The following DRC11 variants were observed in gnomAD, a reference collection of about 807,000 sequenced individuals.
DRC11 encodes the protein IQ and AAA domain-containing protein 1.
At chr2:236,359,908 A>G in the DRC11 span, among the ~76,000 whole-genome samples, 1 of 152,190 alleles carries the variant, frequency 6.6e-6, no homozygotes, top group Admixed American at 6.5e-5. This position sits in a 1 kb window ranked among gnomAD's most constrained non-coding sequence, Gnocchi z 4.3. Context: ...GCACTCTGAC[A>G]TGAAGTGGCC....
chr2:236,317,669 A>T, the DRC11 span, among the ~76,000 whole-genome samples: 6 of 152,340 alleles, frequency 3.9e-5, no homozygotes, highest in African/African-American at 9.6e-5. This position sits in a 1 kb window ranked among gnomAD's most constrained non-coding sequence, Gnocchi z 5.4. Flanking sequence ...CAACAAAAGC[A>T]TACATGTTTA....
At chr2:236,425,415 A>C in the DRC11 span, among the ~76,000 whole-genome samples, 2 of 151,982 alleles carry the variant, frequency 1.3e-5, no homozygotes, top group African/African-American at 2.4e-5. Flanking sequence ...GCATTTTTCC[A>C]TATACATGTT....
chr2:236,319,995 A>C, the DRC11 span, among the ~76,000 whole-genome samples: 3,529 of 152,214 alleles, frequency 0.023, 129 homozygotes, highest in African/African-American at 0.08. This position sits in a 1 kb window ranked among gnomAD's most constrained non-coding sequence, Gnocchi z 6.7. Flanking sequence ...GCAGCTCACT[A>C]CTGCATTCTC....
chr2:236,384,648 G>A, the DRC11 span, among the ~76,000 whole-genome samples: 1 of 152,030 alleles, frequency 6.6e-6, no homozygotes, highest in Non-Finnish European at 1.5e-5. Context: ...TTGCTGTGCA[G>A]AAGCTCTTTA....
the DRC11 span, among the ~76,000 whole-genome samples, chr2:236,347,508 C>CTCTATATATATATATA: frequency 2.6e-4 from 28 of 107,526 alleles, no homozygotes; most frequent in South Asian, 1.7e-3. Context: ...AAAAACTGTG[C>CTCTATATATATATATA]TATATATATA....
At chr2:236,421,892 G>C in the DRC11 span, among the ~76,000 whole-genome samples, 1 of 152,154 alleles carries the variant, frequency 6.6e-6, no homozygotes, top group Non-Finnish European at 1.5e-5. Context: ...GGGATGCAAG[G>C]CTGGTTCAAC....
At chr2:236,438,570 C>G in the DRC11 span, among the ~76,000 whole-genome samples, 1 of 151,964 alleles carries the variant, frequency 6.6e-6, no homozygotes, top group African/African-American at 2.4e-5. Context: ...TCTTCCTACC[C>G]ATGAGCATGG....
At chr2:236,440,482 T>C in the DRC11 span, among the ~76,000 whole-genome samples, 1 of 152,218 alleles carries the variant, frequency 6.6e-6, no homozygotes, top group African/African-American at 2.4e-5. Context: ...TCCTAGTTTA[T>C]GAAGACATTA....
the DRC11 span, among the ~76,000 whole-genome samples, chr2:236,473,456 C>T: frequency 6.6e-6 from 1 of 152,160 alleles, no homozygotes; most frequent in African/African-American, 2.4e-5. This position sits in a 1 kb window ranked among gnomAD's most constrained non-coding sequence, Gnocchi z 4.8. Context: ...GGAAAGTGAA[C>T]AGGGTTTTAC....
chr2:236,385,314 G>T, the DRC11 span, among the ~76,000 whole-genome samples: 1 of 145,686 alleles, frequency 6.9e-6, no homozygotes, highest in African/African-American at 2.5e-5. Context: ...TCTTCCATTT[G>T]TTTGTATCCT....
the DRC11 span, among the ~76,000 whole-genome samples, chr2:236,460,810 A>G: frequency 6.6e-6 from 1 of 152,168 alleles, no homozygotes; most frequent in Non-Finnish European, 1.5e-5. The surrounding 1 kb of genome is among the most constrained non-coding windows in gnomAD (Gnocchi z 4.0). Context: ...GAGGGAATAC[A>G]GTGGTGAATT....
the DRC11 span, among the ~76,000 whole-genome samples, chr2:236,385,381 C>CT: frequency 6.9e-6 from 1 of 145,824 alleles, no homozygotes; most frequent in Non-Finnish European, 1.5e-5. Flanking sequence ...CTTCACATCC[C>CT]TTGTAAGTTG....
chr2:236,425,322 T>C, the DRC11 span, among the ~76,000 whole-genome samples: 2 of 152,152 alleles, frequency 1.3e-5, no homozygotes, highest in East Asian at 1.9e-4. Context: ...CCAACATTTG[T>C]TGTCTTTTGT....
the DRC11 span, among the ~76,000 whole-genome samples, chr2:236,472,055 C>A: frequency 2.6e-5 from 4 of 152,178 alleles, no homozygotes; most frequent in African/African-American, 7.2e-5. The surrounding 1 kb of genome is among the most constrained non-coding windows in gnomAD (Gnocchi z 4.6). Flanking sequence ...ACCAGAGGTT[C>A]CCAAGTAACT....
chr2:236,408,091 G>A, the DRC11 span: 1 of 620,182 alleles, frequency 1.6e-6, no homozygotes, highest in South Asian at 1.4e-5. The surrounding 1 kb of genome is among the most constrained non-coding windows in gnomAD (Gnocchi z 5.5). Flanking sequence ...AAAGCCACTG[G>A]TCACTTCACC....
At chr2:236,495,443 A>T in the DRC11 span, among the ~76,000 whole-genome samples, 3 of 152,330 alleles carry the variant, frequency 2.0e-5, no homozygotes, top group East Asian at 5.8e-4. The surrounding 1 kb of genome is among the most constrained non-coding windows in gnomAD (Gnocchi z 5.6). Context: ...TATGTCCATG[A>T]TGCGTTTCAT....
chr2:236,500,852 CCAT>C, the DRC11 span, among the ~76,000 whole-genome samples: 1 of 152,102 alleles, frequency 6.6e-6, no homozygotes, highest in Non-Finnish European at 1.5e-5. The surrounding 1 kb of genome is among the most constrained non-coding windows in gnomAD (Gnocchi z 6.3). Flanking sequence ...GCATCCACCA[CCAT>C]GCCCAGCTAA....
At chr2:236,392,254 A>G in the DRC11 span, 1 of 1,586,996 alleles carries the variant, frequency 6.3e-7, no homozygotes. The surrounding 1 kb of genome is among the most constrained non-coding windows in gnomAD (Gnocchi z 5.1). Flanking sequence ...CTGTATCCTG[A>G]TCTCTGACTG....
chr2:236,411,220 C>T, the DRC11 span, among the ~76,000 whole-genome samples: 3,539 of 152,282 alleles, frequency 0.023, 58 homozygotes, highest in Middle Eastern at 0.044. Flanking sequence ...ACAACCCCAT[C>T]AAAAAGTCGG....
Sources: gnomAD v4.1 joint callset for allele counts (sites outside exome capture counted in the v4.1 genomes callset) on GRCh38, gnomAD v4.1.1 for gene constraint, Gnocchi (gnomAD v3.1) non-coding constraint, MANE v1.5 for transcripts, NCBI Gene and HGNC (gene_info 2026-07-23, HGNC 2026-07-21) for gene names.